Variants in CLNK observed in about 807,000 individuals in gnomAD.
CLNK encodes cytokine dependent hematopoietic cell linker.
Under a neutral mutation model 68.6 loss-of-function variants are expected in CLNK, and 74 were observed. The ratio of observed to expected loss-of-function variants is 1.08; its 90% confidence interval spans 0.89 to 1.31. CLNK has a LOEUF of 1.31. Among genes scored for constraint, CLNK ranks in the 50% most tolerant of loss-of-function variants. The pLI, the probability that CLNK is intolerant of heterozygous loss-of-function variation, is 0.00. For synonymous variants in CLNK, 198 were observed against 172.2 expected, an observed-to-expected ratio of 1.15 and a Z score of -1.17; for missense variants, 553 against 515.3, an observed-to-expected ratio of 1.07 and a Z score of -0.71.
chr4:10,512,044 A>T (rs1230352264), intron 16 of CLNK, among the ~76,000 whole-genome samples: 5 of 152,296 alleles, frequency 3.3e-5, no homozygotes, highest in African/African-American at 1.2e-4. Context: ...ATACTCAAAT[A>T]GCTGAAATCA....
chr4:10,721,842 G>A, the CLNK span, among the ~76,000 whole-genome samples: 44,161 of 152,022 alleles, frequency 0.29, 6,585 homozygotes, highest in African/African-American at 0.32. Flanking sequence ...GTTGACAGGT[G>A]CATATTGTAT....
At chr4:10,503,807 G>C (rs1717163482) in intron 17 of CLNK, among the ~76,000 whole-genome samples, 1 of 114,622 alleles carries the variant, frequency 8.7e-6, no homozygotes, top group African/African-American at 3.3e-5. Context: ...TTTTGAGATG[G>C]AGTCTCCCTC....
At chr4:10,553,525 C>T (rs545096941) in intron 8 of CLNK, among the ~76,000 whole-genome samples, 144 of 152,036 alleles carry the variant, frequency 9.5e-4, no homozygotes, top group South Asian at 2.3e-3. Flanking sequence ...AATCTTGGCT[C>T]GCTGCAACCT....
At chr4:10,716,393 C>T in the CLNK span, among the ~76,000 whole-genome samples, 2 of 152,248 alleles carry the variant, frequency 1.3e-5, no homozygotes, top group Admixed American at 1.3e-4. Context: ...AGTAGATGTA[C>T]TTTTACCTAC....
intron 1 of CLNK, among the ~76,000 whole-genome samples, chr4:10,683,265 C>G (rs1027214669): frequency 4.6e-5 from 7 of 152,110 alleles, no homozygotes; most frequent in African/African-American, 1.7e-4. Flanking sequence ...GCAAAGTGAT[C>G]GAGAAACAGA....
At chr4:10,648,867 T>C (rs1723619942) in intron 2 of CLNK, among the ~76,000 whole-genome samples, 1 of 152,156 alleles carries the variant, frequency 6.6e-6, no homozygotes, top group Non-Finnish European at 1.5e-5. Flanking sequence ...TCCCTGACAA[T>C]GAGAGGGTCA....
chr4:10,648,305 C>A (rs1360091849), intron 2 of CLNK, among the ~76,000 whole-genome samples: 2 of 152,156 alleles, frequency 1.3e-5, no homozygotes. Flanking sequence ...ACCAATTTAT[C>A]TGTGTCTCAA....
upstream of CLNK, among the ~76,000 whole-genome samples, chr4:10,689,515 G>A (rs905837160): frequency 1.3e-5 from 2 of 151,922 alleles, no homozygotes; most frequent in South Asian, 2.1e-4. Context: ...GACACTATTC[G>A]GTGTTTGGTT....
At chr4:10,578,811 A>G (rs1229437242) in intron 4 of CLNK, among the ~76,000 whole-genome samples, 4 of 152,022 alleles carry the variant, frequency 2.6e-5, no homozygotes, top group African/African-American at 9.7e-5. Context: ...ACTTCAAGTA[A>G]TCCACCTGCC....
At chr4:10,547,135 C>A (rs183876839) in intron 8 of CLNK, among the ~76,000 whole-genome samples, 3 of 152,220 alleles carry the variant, frequency 2.0e-5, no homozygotes, top group Admixed American at 2.0e-4. Flanking sequence ...GACAAAGTTT[C>A]AACATGAGAT....
chr4:10,546,061 C>T (rs1475868743), intron 8 of CLNK, among the ~76,000 whole-genome samples: 7 of 152,176 alleles, frequency 4.6e-5, no homozygotes, highest in African/African-American at 1.7e-4. Flanking sequence ...GCCTCAAGAT[C>T]TGTGAAACAC....
At chr4:10,677,326 T>G (rs1724914320) in intron 1 of CLNK, among the ~76,000 whole-genome samples, 1 of 152,088 alleles carries the variant, frequency 6.6e-6, no homozygotes, top group Admixed American at 6.6e-5. Flanking sequence ...AAGCACCTGA[T>G]GTATGCTGGT....
At chr4:10,683,342 G>T (rs1333796857) in intron 1 of CLNK, among the ~76,000 whole-genome samples, 2 of 152,132 alleles carry the variant, frequency 1.3e-5, no homozygotes, top group Admixed American at 6.5e-5. Context: ...GCTTTCAAAT[G>T]GTCTTGCCTA....
the CLNK span, among the ~76,000 whole-genome samples, chr4:10,731,551 T>C: frequency 6.6e-6 from 1 of 152,236 alleles, no homozygotes; most frequent in Non-Finnish European, 1.5e-5. Context: ...CTCTCTTTCA[T>C]CTGTTAAGAT....
At chr4:10,663,245 A>C (rs6814902) in intron 2 of CLNK, among the ~76,000 whole-genome samples, 122,207 of 152,236 alleles carry the variant, frequency 0.8, 49,193 homozygotes, top group Non-Finnish European at 0.83. Flanking sequence ...AGGCTTTCTG[A>C]AGTTTAATGG....
chr4:10,717,500 G>T, the CLNK span, among the ~76,000 whole-genome samples: 1 of 152,182 alleles, frequency 6.6e-6, no homozygotes, highest in Non-Finnish European at 1.5e-5. Flanking sequence ...GGAGGCTGAG[G>T]CAGGAAAATT....
chr4:10,558,179 G>T (rs971909077), intron 8 of CLNK, among the ~76,000 whole-genome samples: 1 of 152,016 alleles, frequency 6.6e-6, no homozygotes, highest in Non-Finnish European at 1.5e-5. Flanking sequence ...GCACAACAAA[G>T]AATACGAATT....
chr4:10,540,367 T>C, intron 11 of CLNK, 127 bp downstream of exon 11: 1 of 655,948 alleles, frequency 1.5e-6, no homozygotes, highest in East Asian at 2.7e-5. Flanking sequence ...TGTCTTTGAA[T>C]GGACCAATAC....
intron 2 of CLNK, among the ~76,000 whole-genome samples, chr4:10,633,738 A>C (rs949855429): frequency 6.6e-6 from 1 of 152,230 alleles, no homozygotes; most frequent in Non-Finnish European, 1.5e-5. Flanking sequence ...AGCAGACAGA[A>C]TCTGTCACTC....
Sources: gnomAD v4.1 joint callset for allele counts (sites outside exome capture counted in the v4.1 genomes callset) on GRCh38, gnomAD v4.1.1 for gene constraint, MANE v1.5 for transcripts, NCBI Gene and HGNC (gene_info 2026-07-23, HGNC 2026-07-21) for gene names.